VTN: variants seen among roughly 807,000 people sequenced by gnomAD.
VTN encodes the protein vitronectin.
In VTN, 45 loss-of-function variants were observed where a neutral mutation model predicts 55.9. The ratio of observed to expected loss-of-function variants is 0.80; its 90% confidence interval spans 0.63 to 1.03. VTN has a LOEUF of 1.03. Ranked by LOEUF, VTN falls within the 50% of genes least tolerant of loss-of-function variation. VTN has a pLI of 0.00. For synonymous variants in VTN, 238 were observed against 242.3 expected (o/e 0.98, Z 0.17); for missense variants, 589 against 638.2 (o/e 0.92, Z 0.83).
chr17:28,369,636 C>T lies in VTN; in HGVS notation c.400G>A (p.Gly134Arg). 2 of 1,613,736 alleles carry T rather than the reference C, an allele frequency of 1.2e-6. No homozygotes were observed. Among genetic ancestry groups the T allele is most frequent in the Non-Finnish European group, 1.7e-6 (2 of 1,180,004 alleles). ...APEVGASKPE[G>R]IDSRPETLHP... ...AGGGTCTCAGGCCTTGAGTCTATCC[C>T]CTCAGGCTTAGAGGCGCCCACCTCA... The change falls in exon 3 of 8, where the codon GGG becomes AGG. Residue 134 changes from glycine (G) to arginine (R), a missense_variant. By Grantham distance (125) the Gly-to-Arg change is moderately radical. Transcript: ENST00000226218. The surrounding 1 kb of genome is among the most constrained non-coding windows in gnomAD (Gnocchi z 5.3).
At chr17:28,368,699 G>A (rs1555583434) in intron 5 of VTN, 26 bp from the exon 6 acceptor site, 2 of 1,611,840 alleles carry the variant, frequency 1.2e-6, no homozygotes, top group African/African-American at 1.3e-5. Context: ...GTGGGCATTA[G>A]GAGGGCTGGG....
At position 28,369,058 on chromosome 17, in the gene VTN, T is replaced by G; in HGVS notation, c.670-30A>C. The G allele has an allele frequency of 6.4e-7, 1 of 1,555,274 alleles. No individual in the cohort carries two copies. The highest frequency in any genetic ancestry group is 8.6e-7 in the Non-Finnish European group (1 of 1,156,200). ...GAGGTGGGGAAAGTGAAAAGGGGTATGGAGGCCGCTGGCTGGGCACAGAGG... is the reference window on the plus strand; with the variant it reads ...GAGGTGGGGAAAGTGAAAAGGGGTAGGGAGGCCGCTGGCTGGGCACAGAGG... On this transcript the variant is annotated intron_variant, in intron 4 of 7. Transcript: ENST00000226218. The surrounding 1 kb of genome is among the most constrained non-coding windows in gnomAD (Gnocchi z 5.3).
In VTN at chr17:28,369,052, G is replaced by A. The variant is rs1555583508; in HGVS notation, c.670-24C>T. The stretch of plus-strand genomic sequence containing the variant: ...CCCTAAGAGGTGGGGAAAGTGAAAA[G>A]GGGTATGGAGGCCGCTGGCTGGGCA... On this transcript the variant is annotated intron_variant, in intron 4 of 7. Transcript: ENST00000226218. The surrounding 1 kb of genome is among the most constrained non-coding windows in gnomAD (Gnocchi z 5.3). 6.4e-7 allele frequency: 1 copy of A among 1,561,298 alleles called. No individual in the cohort carries two copies. The highest frequency in any genetic ancestry group is 2.2e-5 in the Admixed American group (1 of 46,168).
rs1555583309 is a variant in VTN at position 28,368,001 on chromosome 17, C to T, written c.1038G>A (p.Val346=). The T allele has an allele frequency of 1.9e-6, 3 of 1,593,200 alleles. No homozygotes were observed. Among genetic ancestry groups the T allele is most frequent in the Non-Finnish European group, 2.6e-6 (3 of 1,169,864 alleles). ...SRDWHGVPGQ[V]DAAMAGRIYI... is the part of the protein sequence containing the mutation. ...AGATGCGGCCAGCCATGGCTGCGTC[C>T]ACTTGCCCTGGCACACCGTGCCAGT... The change falls in exon 7 of 8, where the codon GTG becomes GTA. Residue 346 remains valine (V), a synonymous_variant. Transcript: ENST00000226218.
In VTN at chr17:28,368,978, G is replaced by A. The variant is rs2067930625; in HGVS notation, c.720C>T (p.Pro240=). The change falls in exon 5 of 8, where the codon CCC becomes CCT. Residue 240 remains proline (P), a synonymous_variant. Transcript: ENST00000226218. ...CATCGAAGCCGTCAGAGATATTTCG[G>A]GGGTAATCAGGGTCCAGGACACCAT... ...FEDGVLDPDY[P]RNISDGFDGI... is the part of the protein sequence containing the mutation. 2 of 1,603,298 alleles carry A rather than the reference G, an allele frequency of 1.2e-6. No homozygotes were observed. The highest frequency in any genetic ancestry group is 1.7e-6 in the Non-Finnish European group (2 of 1,177,180).
At position 28,367,398 on chromosome 17, in the gene VTN, G is replaced by A; in HGVS notation, c.1408C>T (p.Leu470=). The part of the protein sequence containing the change: ...PYPRSIAQYW[L]GCPAPGHL ...AGATGGCCAGGAGCTGGGCAGCCCA[G>A]CCAGTACTGAGCGATGGAGCGTGGG... The change falls in exon 8 of 8, where the codon CTG becomes TTG. Residue 470 remains leucine (L), a synonymous_variant. Transcript: ENST00000226218. The A allele has an allele frequency of 1.2e-6, 2 of 1,609,858 alleles. No individual in the cohort carries two copies. The highest frequency in any genetic ancestry group is 8.5e-7 in the Non-Finnish European group (1 of 1,178,838).
rs782689771 is a variant in VTN at position 28,369,706 on chromosome 17, A to G, written c.330T>C (p.Pro110=). The change falls in exon 3 of 8, where the codon CCT becomes CCC. Residue 110 remains proline, a synonymous_variant. Transcript: ENST00000226218. The surrounding 1 kb of genome is among the most constrained non-coding windows in gnomAD (Gnocchi z 5.3). ...CAGGTTTCAGAACAGGTGTCTGCTC[A>G]GGATTCCCTTTGGACTGGGCCTGGA... is the stretch of plus-strand genomic sequence containing the variant. ...SDLQAQSKGN[P]EQTPVLKPEE... 4 of 1,613,842 alleles carry G rather than the reference A, an allele frequency of 2.5e-6. No individual in the cohort carries two copies. The highest frequency in any genetic ancestry group is 1.6e-4 in the Middle Eastern group (1 of 6,062).
Position 28,367,913 on chromosome 17 carries a change from G to A in VTN, c.1126C>T (p.Arg376Cys), listed in dbSNP as rs782463230. The change falls in exon 7 of 8, where the codon CGC becomes TGC. Residue 376 changes from arginine to cysteine, a missense_variant. Physicochemically the swap from Arg to Cys is radical, Grantham distance 180 (BLOSUM62 -3). This residue lies in a region of VTN where 334 missense variants were observed against 328.2 expected (regional missense o/e 1.02). Transcript: ENST00000226218. ...CCTCGTTGTGAACGGTAGCCTTTGC[G>A]GTTGCGATGCCTAAACCTTTGTTTC... ...AKKQRFRHRN[R>C]KGYRSQRGHS... is the part of the protein sequence containing the mutation. 14 of 1,611,530 alleles carry A rather than the reference G, an allele frequency of 8.7e-6. No homozygotes were observed. Among genetic ancestry groups the A allele is most frequent in the African/African-American group, 4.0e-5 (3 of 74,898 alleles).
In VTN at chr17:28,370,230, C is replaced by G; in HGVS notation, c.-27G>C. ...GCAGGGCTTCTAGCTCAGTGCCTGGCAAGCTGGGCTCTGGTCTCCCTGAAG... is the reference window on the plus strand; with the variant it reads ...GCAGGGCTTCTAGCTCAGTGCCTGGGAAGCTGGGCTCTGGTCTCCCTGAAG... On this transcript the variant is annotated 5_prime_UTR_variant, in exon 1 of 8. Coordinates refer to ENST00000226218, the MANE Select transcript of VTN (RefSeq NM_000638.4). 6.2e-7 allele frequency: 1 copy of G among 1,601,352 alleles called. No individual in the cohort carries two copies. Among genetic ancestry groups the G allele is most frequent in the Non-Finnish European group, 8.5e-7 (1 of 1,172,170 alleles).
chr17:28,367,810 C>G lies in VTN; in HGVS notation c.1229G>C (p.Ser410Thr). ...ATCATAGTTGTTGGCTCCCAAGTTG[C>G]TCTCCTCACTGGAGAACAAGGACAG... Reference protein sequence around the residue: ...TWLSLFSSEESNLGANNYDDY... With the variant: ...TWLSLFSSEETNLGANNYDDY... Residue 410 changes from serine to threonine, a missense_variant, in exon 7 of 8, where the codon AGC becomes ACC. Physicochemically the swap from Ser to Thr is moderately conservative, Grantham distance 58 (BLOSUM62 1). Coordinates refer to ENST00000226218, the MANE Select transcript of VTN (RefSeq NM_000638.4). The G allele has an allele frequency of 6.2e-7, 1 of 1,614,172 alleles. No homozygotes were observed. The highest frequency in any genetic ancestry group is 8.5e-7 in the Non-Finnish European group (1 of 1,180,056).
In VTN at chr17:28,369,102, G is replaced by A. The variant is rs2067931935; in HGVS notation, c.670-74C>T. ...ACAGAGGCAGAGTCCCTTGCCCTAA[G>A]GCAGCCGTTCCCAGGTCCAGGTTCA... is the stretch of plus-strand genomic sequence containing the variant. On this transcript the variant is annotated intron_variant, in intron 4 of 7. Transcript: ENST00000226218. This position sits in a 1 kb window ranked among gnomAD's most constrained non-coding sequence, Gnocchi z 5.3. 3.3e-6 allele frequency: 5 copies of A among 1,522,028 alleles called. No individual in the cohort carries two copies. The South Asian group carries it at 5.3e-5, about 16-fold the overall frequency. 94.3% of individuals were successfully genotyped at this position (1,522,028 alleles called of 1,614,324 possible).
chr17:28,368,969 G>C lies in VTN; in HGVS notation c.729C>G (p.Ile243Met). 1 of 1,604,162 alleles carries C rather than the reference G, an allele frequency of 6.2e-7. No individual in the cohort carries two copies. Among genetic ancestry groups the C allele is most frequent in the Non-Finnish European group, 8.5e-7 (1 of 1,177,390 alleles). Residue 243 changes from isoleucine (I) to methionine (M), a missense_variant, in exon 5 of 8, where the codon ATC becomes ATG. This residue lies in a region of VTN where 334 missense variants were observed against 328.2 expected (regional missense o/e 1.02). Transcript: ENST00000226218. ...CCGGGATGCCATCGAAGCCGTCAGAGATATTTCGGGGGTAATCAGGGTCCA... is the reference window on the plus strand; with the variant it reads ...CCGGGATGCCATCGAAGCCGTCAGACATATTTCGGGGGTAATCAGGGTCCA... Reference protein sequence around the residue: ...GVLDPDYPRNISDGFDGIPDN... With the variant: ...GVLDPDYPRNMSDGFDGIPDN...
At position 28,368,118 on chromosome 17, in the gene VTN, C is replaced by T. The variant is rs2067922231; in HGVS notation, c.980-59G>A. ...GGGGTCCGAATCTTGCCCCTTCCAG[C>T]GGGGCCATTAGAGTTCATCTGCTGC... On this transcript the variant is annotated intron_variant, in intron 6 of 7. Transcript: ENST00000226218. The T allele has an allele frequency of 4.9e-6, 7 of 1,431,064 alleles. No homozygotes were observed. The East Asian group carries it at 7.4e-5, about 15-fold the overall frequency. The allele number at this position is 1,431,064 out of a possible 1,614,324, so 88.6% of individuals were successfully genotyped here.
rs148666516 is a variant in VTN at position 28,369,789 on chromosome 17, C to T, written c.247G>A (p.Glu83Lys). The stretch of plus-strand genomic sequence containing the variant: ...TCATGGACAGTGGCATTGTTTTTCT[C>T]CTCGCCATCGTCATAGACCGTGTAC... ...DEYTVYDDGE[E>K]KNNATVHEQV... The change falls in exon 3 of 8, where the codon GAG becomes AAG. Residue 83 changes from glutamate (E) to lysine (K), a missense_variant. Glu to Lys is a moderately conservative substitution (Grantham distance 56). Around this residue, in one of 3 missense-constraint regions of VTN, gnomAD observed 217 missense variants for 241.3 expected, o/e 0.90. Coordinates refer to ENST00000226218, the MANE Select transcript of VTN (RefSeq NM_000638.4). This position sits in a 1 kb window ranked among gnomAD's most constrained non-coding sequence, Gnocchi z 5.3. 2.5e-6 allele frequency: 4 copies of T among 1,613,964 alleles called. No individual in the cohort carries two copies. In the African/African-American group the frequency reaches 4.0e-5, roughly 16 times the overall value.
rs2067938517 is a variant in VTN at position 28,369,930 on chromosome 17, G to A, written c.181C>T (p.Gln61Ter). Residue 61 changes from glutamine (Q) to a stop codon, truncating the protein, a stop_gained, in exon 2 of 8, where the codon CAA becomes TAA. Coordinates refer to ENST00000226218, the MANE Select transcript of VTN (RefSeq NM_000638.4). LOFTEE classifies it high-confidence loss of function. This position sits in a 1 kb window ranked among gnomAD's most constrained non-coding sequence, Gnocchi z 5.3. ...CCCACCTGGGCTCTGAACACACCTTGGGGCTTGCACTCAGCCGTATAGTCT... is the reference window on the plus strand; with the variant it reads ...CCCACCTGGGCTCTGAACACACCTTAGGGCTTGCACTCAGCCGTATAGTCT... ...CTDYTAECKP[Q>*]VTRGDVFTMP... is the part of the protein sequence containing the mutation. 1.2e-6 allele frequency: 2 copies of A among 1,613,872 alleles called. No individual in the cohort carries two copies. The highest frequency in any genetic ancestry group is 1.7e-6 in the Non-Finnish European group (2 of 1,179,996).
rs1555583458 is a variant in VTN, at chr17:28,368,854, C to A, written c.826+18G>T. 6.2e-7 allele frequency: 1 copy of A among 1,613,530 alleles called. No individual in the cohort carries two copies. Among genetic ancestry groups the A allele is most frequent in the Non-Finnish European group, 8.5e-7 (1 of 1,179,836 alleles). On this transcript the variant is annotated intron_variant, in intron 5 of 7. Coordinates refer to ENST00000226218, the MANE Select transcript of VTN (RefSeq NM_000638.4). ...ACTGCTCCACTGCCTGCTCAGTCTCCCACCACCCCCTGAGTACCCTTGAAG... is the reference window on the plus strand; with the variant it reads ...ACTGCTCCACTGCCTGCTCAGTCTCACACCACCCCCTGAGTACCCTTGAAG...
In VTN at chr17:28,369,821, T is replaced by C; in HGVS notation, c.215A>G (p.Glu72Gly). The change falls in exon 3 of 8, where the codon GAG becomes GGG. Residue 72 changes from glutamate to glycine, a missense_variant. By Grantham distance (98) the Glu-to-Gly change is moderately conservative (BLOSUM62 -2). Transcript: ENST00000226218. The surrounding 1 kb of genome is among the most constrained non-coding windows in gnomAD (Gnocchi z 5.3). ...VTRGDVFTMP[E>G]DEYTVYDDGE... ...ATCGTCATAGACCGTGTACTCATCC[T>C]CCGGCATAGTGAACACATCCCCGCG... 6.2e-7 allele frequency: 1 copy of C among 1,613,386 alleles called. No homozygotes were observed. Among genetic ancestry groups the C allele is most frequent in the Non-Finnish European group, 8.5e-7 (1 of 1,179,424 alleles).
At chr17:28,368,131 G>T in intron 6 of VTN, 72 bp from the exon 7 acceptor site, 1 of 1,342,242 alleles carries the variant, frequency 7.5e-7, no homozygotes, top group Non-Finnish European at 1.0e-6. Context: ...GGCCATTAGA[G>T]TTCATCTGCT....
chr17:28,369,078 CAG>C lies in VTN; in HGVS notation c.670-52_670-51del, dbSNP rs782760915. ...GGGTATGGAGGCCGCTGGCTGGGCACAGAGGCAGAGTCCCTTGCCCTAAGGCA... is the reference window on the plus strand; with the variant it reads ...GGGTATGGAGGCCGCTGGCTGGGCACAGGCAGAGTCCCTTGCCCTAAGGCA... On this transcript the variant is annotated intron_variant, in intron 4 of 7. Transcript: ENST00000226218. This position sits in a 1 kb window ranked among gnomAD's most constrained non-coding sequence, Gnocchi z 5.3. 1.6e-5 allele frequency: 24 copies of C among 1,540,062 alleles called. No individual in the cohort carries two copies. The East Asian group carries it at 5.2e-4, about 33-fold the overall frequency.
Sources: gnomAD v4.1 joint callset for allele counts on GRCh38, gnomAD v4.1.1 for gene constraint, gnomAD v4.1.1 regional missense constraint, Gnocchi (gnomAD v3.1) non-coding constraint, MANE v1.5 for transcripts, NCBI Gene and HGNC (gene_info 2026-07-23, HGNC 2026-07-21) for gene names.